Variants in ARHGAP20 observed in about 807,000 individuals in gnomAD.
ARHGAP20 encodes rho GTPase-activating protein 20.
In ARHGAP20, 34 loss-of-function variants were observed where a neutral mutation model predicts 73.7. The observed-to-expected ratio is 0.46, with a 90% confidence interval of 0.35 to 0.61. The LOEUF (loss-of-function observed/expected upper bound fraction) is 0.61, where lower values mean the gene tolerates loss of function less well. Ranked by LOEUF, ARHGAP20 falls within the 20% of genes least tolerant of loss-of-function variation. The probability of loss-of-function intolerance (pLI) is 0.00; values close to 1 mark genes in which losing one functional copy is unlikely to be tolerated. For synonymous variants in ARHGAP20, 523 were observed against 518.2 expected (o/e 1.01, Z -0.13); for missense variants, 1,314 against 1,420.9 (o/e 0.92, Z 1.21).
At chr11:110,710,137 G>C (rs1945116169) in intron 1 of ARHGAP20, among the ~76,000 whole-genome samples, 1 of 152,114 alleles carries the variant, frequency 6.6e-6, no homozygotes, top group South Asian at 2.1e-4. Context: ...ACAGATATAG[G>C]GATGTTGCAA....
intron 1 of ARHGAP20, among the ~76,000 whole-genome samples, chr11:110,700,110 T>C (rs540235952): frequency 2.4e-4 from 37 of 152,128 alleles, no homozygotes; most frequent in Admixed American, 1.5e-3. Context: ...AATCTGCTCA[T>C]TATTAGTTCT....
chr11:110,670,560 C>T (rs1030262229), intron 2 of ARHGAP20, among the ~76,000 whole-genome samples: 2 of 151,994 alleles, frequency 1.3e-5, no homozygotes, highest in Admixed American at 6.6e-5. Context: ...ATTAAATAAA[C>T]ATCATAATTA....
chr11:110,577,518 T>C lies in ARHGAP20; in HGVS notation c.*1852A>G, dbSNP rs1947319321. 1 of 1,000,118 alleles carries C rather than the reference T, an allele frequency of 1.0e-6. No homozygotes were observed. Among genetic ancestry groups the C allele is most frequent in the African/African-American group, 1.7e-5 (1 of 57,532 alleles). The allele number at this position is 1,000,118 out of a possible 1,614,324, so 62.0% of individuals were successfully genotyped here. A position where few individuals can be genotyped will look rare whatever the true frequency, so the allele number is the denominator to read the frequency against. On this transcript the variant is annotated 3_prime_UTR_variant, in exon 15 of 15. Coordinates refer to ENST00000683387, the MANE Select transcript of ARHGAP20 (RefSeq NM_001384657.1). Reference sequence around the variant, plus strand: ...TCTTCCAGAAAGACACTCCAAGCCGTTAAGAGCTTCATTCACATCTTGCAG... The same window carrying C: ...TCTTCCAGAAAGACACTCCAAGCCGCTAAGAGCTTCATTCACATCTTGCAG...
Position 110,596,274 on chromosome 11 carries a change from A to G in ARHGAP20, c.965-4119T>C, listed in dbSNP as rs938872497. ...CTAAAACACCAAAAGCAATGGCAAC[A>G]AGGGCCAAAATTGACAAATGGGATC... On this transcript the variant is annotated intron_variant, in intron 9 of 14. Transcript: ENST00000683387. 1.1e-4 allele frequency among the ~76,000 whole-genome samples: 11 copies of G among 97,550 alleles called. No homozygotes were observed. In the South Asian group the frequency reaches 1.6e-3, roughly 14 times the overall value. 64.0% of individuals were successfully genotyped at this position (97,550 alleles called of 152,430 possible).
At chr11:110,665,984 C>T (rs1462352253) in intron 2 of ARHGAP20, among the ~76,000 whole-genome samples, 1 of 152,020 alleles carries the variant, frequency 6.6e-6, no homozygotes, top group Non-Finnish European at 1.5e-5. Flanking sequence ...TATACACACA[C>T]ACACACACAC....
In ARHGAP20 at chr11:110,622,321, C is replaced by T. The variant is rs190629770; in HGVS notation, c.503+1841G>A. Among the ~76,000 whole-genome samples the T allele has an allele frequency of 9.2e-5, 14 of 152,242 alleles. 1 individual carries two copies. Among genetic ancestry groups the T allele is most frequent in the African/African-American group, 3.1e-4 (13 of 41,534 alleles). On this transcript the variant is annotated intron_variant, in intron 4 of 14. Transcript: ENST00000683387. ...ACTCTGCCATATCAGAGGCAGAATT[C>T]CTCAACACTTCACTTTTTTAAAAAA...
In ARHGAP20 at chr11:110,579,200, T is replaced by C. The variant is rs769380973; in HGVS notation, c.*170A>G. On this transcript the variant is annotated 3_prime_UTR_variant, in exon 15 of 15. Transcript: ENST00000683387. ...AGGTGACAAAATTTTTAGCATAAAG[T>C]ATTTGTCAAGTAGTCTCAATAAAGA... 1.1e-5 allele frequency: 14 copies of C among 1,309,556 alleles called. No individual in the cohort carries two copies. Among genetic ancestry groups the C allele is most frequent in the Non-Finnish European group, 1.4e-5 (14 of 1,027,614 alleles). 81.1% of individuals were successfully genotyped at this position (1,309,556 alleles called of 1,614,324 possible).
chr11:110,642,367 G>A (rs1224996299), intron 2 of ARHGAP20, among the ~76,000 whole-genome samples: 1 of 152,076 alleles, frequency 6.6e-6, no homozygotes, highest in Non-Finnish European at 1.5e-5. Flanking sequence ...TCTTGTTCCG[G>A]TTCTCAAAGA....
intron 9 of ARHGAP20, among the ~76,000 whole-genome samples, chr11:110,597,951 G>C (rs781206271): frequency 4.6e-5 from 7 of 152,170 alleles, no homozygotes; most frequent in Non-Finnish European, 8.8e-5. Context: ...TAAGAAATGA[G>C]GGATGTAAAT....
intron 1 of ARHGAP20, among the ~76,000 whole-genome samples, chr11:110,707,210 T>G (rs1950566289): frequency 6.6e-6 from 1 of 152,122 alleles, no homozygotes. Context: ...CTCATCCTAT[T>G]TAAAGATTTT....
chr11:110,597,520 ACT>A (rs1467937508), intron 9 of ARHGAP20, among the ~76,000 whole-genome samples: 1 of 152,106 alleles, frequency 6.6e-6, no homozygotes, highest in Non-Finnish European at 1.5e-5. Flanking sequence ...ATGAGGTCTC[ACT>A]ATGTTTGCCC....
intron 9 of ARHGAP20, among the ~76,000 whole-genome samples, chr11:110,596,921 G>A (rs1591304450): frequency 6.6e-6 from 1 of 152,162 alleles, no homozygotes; most frequent in Non-Finnish European, 1.5e-5. Flanking sequence ...ACTGGATTAA[G>A]AAAATGTGGC....
chr11:110,593,288 A>C (rs1274474729), intron 9 of ARHGAP20, among the ~76,000 whole-genome samples: 2 of 152,196 alleles, frequency 1.3e-5, no homozygotes, highest in Non-Finnish European at 2.9e-5. Context: ...TTTTGGTGTC[A>C]TTTGTGTCTA....
Position 110,577,514 on chromosome 11 carries a change from G to A in ARHGAP20, c.*1856C>T. ...AATTTCTTCCAGAAAGACACTCCAA[G>A]CCGTTAAGAGCTTCATTCACATCTT... On this transcript the variant is annotated 3_prime_UTR_variant, in exon 15 of 15. Transcript: ENST00000683387. The A allele has an allele frequency of 3.0e-6, 3 of 1,000,140 alleles. No individual in the cohort carries two copies. Among genetic ancestry groups the A allele is most frequent in the South Asian group, 4.5e-5 (1 of 22,144 alleles). 62.0% of individuals were successfully genotyped at this position (1,000,140 alleles called of 1,614,324 possible). A position where few individuals can be genotyped will look rare whatever the true frequency, so the allele number is the denominator to read the frequency against.
intron 2 of ARHGAP20, among the ~76,000 whole-genome samples, chr11:110,643,359 T>G (rs1442790011): frequency 2.6e-5 from 4 of 152,136 alleles, no homozygotes; most frequent in Non-Finnish European, 5.9e-5. Context: ...GATGTGACGT[T>G]AGATTGTTAA....
chr11:110,651,401 A>G (rs569377773), intron 2 of ARHGAP20, among the ~76,000 whole-genome samples: 23 of 152,288 alleles, frequency 1.5e-4, no homozygotes, highest in Non-Finnish European at 7.4e-5. Flanking sequence ...AGGTAGAGAC[A>G]TGAAAAACCC....
At chr11:110,683,831 C>T (rs1357704064) in intron 2 of ARHGAP20, among the ~76,000 whole-genome samples, 2 of 152,006 alleles carry the variant, frequency 1.3e-5, no homozygotes, top group Admixed American at 6.6e-5. Context: ...CAATTCTCAC[C>T]CAAGTTCAAA....
intron 1 of ARHGAP20, among the ~76,000 whole-genome samples, chr11:110,704,752 C>A (rs1471944333): frequency 2.0e-5 from 3 of 152,150 alleles, no homozygotes; most frequent in African/African-American, 4.8e-5. Flanking sequence ...TGAGCATTCT[C>A]TCTGCAGGCT....
intron 2 of ARHGAP20, among the ~76,000 whole-genome samples, chr11:110,687,291 T>A (rs1235292786): frequency 4.0e-5 from 6 of 151,808 alleles, no homozygotes; most frequent in Non-Finnish European, 8.8e-5. Context: ...CAAGTGCTCC[T>A]CCCACCCTGG....
Sources: gnomAD v4.1 joint callset for allele counts (sites outside exome capture counted in the v4.1 genomes callset) on GRCh38, gnomAD v4.1.1 for gene constraint, MANE v1.5 for transcripts, NCBI Gene and HGNC (gene_info 2026-07-23, HGNC 2026-07-21) for gene names.